The following ARHGAP8 variants were observed in gnomAD, a reference collection of about 807,000 sequenced individuals.
ARHGAP8 encodes rho GTPase-activating protein 8.
In ARHGAP8, 62 loss-of-function variants were observed where a neutral mutation model predicts 46.1. That is an observed-to-expected ratio of 1.34 (90% CI 1.10 to 1.66). The LOEUF (loss-of-function observed/expected upper bound fraction) is 1.66. ARHGAP8 is among the 40% of genes most tolerant of loss of function. The pLI, the probability that ARHGAP8 is intolerant of heterozygous loss-of-function variation, is 0.00. For missense variants in ARHGAP8, 923 were observed against 568.4 expected, an observed-to-expected ratio of 1.62 and a Z score of -6.34; for synonymous variants, 375 against 243.1, an observed-to-expected ratio of 1.54 and a Z score of -5.05.
At chr22:44,801,514 C>T (rs1288173998) in intron 2 of ARHGAP8, among the ~76,000 whole-genome samples, 3 of 150,732 alleles carry the variant, frequency 2.0e-5, no homozygotes, top group South Asian at 4.2e-4. Flanking sequence ...CCTCTCCCCG[C>T]AGCTGTCTAT....
At chr22:44,753,612 T>TG (rs3838171) in intron 1 of ARHGAP8, among the ~76,000 whole-genome samples, 4,058 of 33,096 alleles carry the variant, frequency 0.12, 195 homozygotes, top group African/African-American at 0.28. Context: ...CTCAATCCTG[T>TG]GGGGGGTGGG....
chr22:44,774,392 A>G (rs1288584202), intron 1 of ARHGAP8, among the ~76,000 whole-genome samples: 1 of 152,164 alleles, frequency 6.6e-6, no homozygotes, highest in Non-Finnish European at 1.5e-5. Context: ...AGGACATTGT[A>G]GTTTGAATAT....
At chr22:44,776,778 A>G (rs1602159711) in intron 1 of ARHGAP8, among the ~76,000 whole-genome samples, 2 of 152,154 alleles carry the variant, frequency 1.3e-5, no homozygotes, top group Non-Finnish European at 2.9e-5. Flanking sequence ...GGCGCTGCGC[A>G]CTGTAGGTGG....
chr22:44,765,124 A>C (rs1243371904), intron 1 of ARHGAP8: 1 of 152,314 alleles, frequency 6.6e-6, no homozygotes, highest in African/African-American at 2.4e-5. Flanking sequence ...CTGTGACCTG[A>C]GAGTGGCCCT....
chr22:44,811,236 A>G (rs888252397), intron 4 of ARHGAP8, among the ~76,000 whole-genome samples: 2 of 152,248 alleles, frequency 1.3e-5, no homozygotes, highest in Admixed American at 6.5e-5. Flanking sequence ...TGGTCGATGG[A>G]TGAAATCTAG....
Position 44,862,498 on chromosome 22 carries a change from C to G in ARHGAP8, c.1205C>G (p.Ala402Gly), listed in dbSNP as rs1317607933. The change falls in exon 12 of 12, where the codon GCC becomes GGC. Residue 402 changes from alanine to glycine, a missense_variant. By Grantham distance (60) the Ala-to-Gly change is moderately conservative. Coordinates refer to ENST00000356099, the MANE Select transcript of ARHGAP8 (RefSeq NM_181335.3). ...LAPWEQGSRAAPLQEAVPRTQ... is the reference protein window; with the variant it reads ...LAPWEQGSRAGPLQEAVPRTQ... Reference sequence around the variant, plus strand: ...CCATGGGAACAGGGGAGCAGGGCAGCCCCTTTGCAGGAGGCTGTGCCACGG... The same window carrying G: ...CCATGGGAACAGGGGAGCAGGGCAGGCCCTTTGCAGGAGGCTGTGCCACGG... 3.7e-6 allele frequency: 6 copies of G among 1,613,502 alleles called. No homozygotes were observed. Among genetic ancestry groups the G allele is most frequent in the Non-Finnish European group, 4.2e-6 (5 of 1,179,656 alleles).
chr22:44,826,819 C>T (rs1320771107), intron 7 of ARHGAP8, among the ~76,000 whole-genome samples: 2 of 152,174 alleles, frequency 1.3e-5, no homozygotes, highest in African/African-American at 4.8e-5. Context: ...CATCGGTCAC[C>T]TGCCCTTACT....
intron 2 of ARHGAP8, among the ~76,000 whole-genome samples, chr22:44,799,347 T>A (rs966108844): frequency 1.3e-5 from 2 of 152,224 alleles, no homozygotes; most frequent in African/African-American, 4.8e-5. Context: ...GCTGCTCCCA[T>A]ATGCAACGGC....
chr22:44,861,336 G>A lies in ARHGAP8; in HGVS notation c.982-939G>A, dbSNP rs563459442. 1.5e-3 allele frequency among the ~76,000 whole-genome samples: 231 copies of A among 152,314 alleles called. 1 individual carries two copies. Among genetic ancestry groups the A allele is most frequent in the African/African-American group, 5.4e-3 (224 of 41,580 alleles). ...AGCCGCCACCTCCATGGGCACCGAT[G>A]TGAATGCACCTGGTGGGGTGTGGTG... On this transcript the variant is annotated intron_variant, in intron 11 of 11. Transcript: ENST00000356099.
At chr22:44,812,101 T>C (rs372784751) in intron 4 of ARHGAP8, among the ~76,000 whole-genome samples, 1 of 152,254 alleles carries the variant, frequency 6.6e-6, no homozygotes, top group East Asian at 1.9e-4. Context: ...CTTTGGCTTC[T>C]CATCCTCCAG....
At chr22:44,826,663 C>T (rs1006760605) in intron 7 of ARHGAP8, among the ~76,000 whole-genome samples, 4 of 152,114 alleles carry the variant, frequency 2.6e-5, no homozygotes, top group African/African-American at 7.2e-5. Context: ...TGACCTCAAG[C>T]GATCCACCCC....
chr22:44,845,137 T>G, intron 7 of ARHGAP8, 132 bp from the exon 8 acceptor site: 1 of 1,062,558 alleles, frequency 9.4e-7, no homozygotes, highest in Non-Finnish European at 1.3e-6. Context: ...GGGCTGAGCC[T>G]ACCTCTCTCT....
intron 7 of ARHGAP8, among the ~76,000 whole-genome samples, chr22:44,829,524 A>T (rs1930791482): frequency 6.6e-6 from 1 of 152,142 alleles, no homozygotes; most frequent in Non-Finnish European, 1.5e-5. Flanking sequence ...TCCCTCTCCC[A>T]GGGCCAGTTG....
At position 44,775,225 on chromosome 22, in the gene ARHGAP8, T is replaced by G. The variant is rs150107179; in HGVS notation, c.-71-11232T>G. Among the ~76,000 whole-genome samples, 106 of 152,312 alleles carry G rather than the reference T, an allele frequency of 7.0e-4. 2 individuals carry two copies. The East Asian group carries it at 0.016, about 23-fold the overall frequency. ...AAAGGAGAATGAGCACTCTGAATTT[T>G]TCATACTCAGCACCAGCGTTTTATG... On this transcript the variant is annotated intron_variant, in intron 1 of 11. Transcript: ENST00000356099.
At chr22:44,760,679 C>G (rs1213947998) in intron 1 of ARHGAP8, among the ~76,000 whole-genome samples, 6 of 152,198 alleles carry the variant, frequency 3.9e-5, no homozygotes, top group Admixed American at 2.0e-4. Flanking sequence ...CTGTGAGGGT[C>G]TATTTGTGTA....
intron 2 of ARHGAP8, among the ~76,000 whole-genome samples, chr22:44,798,947 G>T (rs892906227): frequency 1.3e-5 from 2 of 152,220 alleles, no homozygotes; most frequent in Non-Finnish European, 2.9e-5. Flanking sequence ...AAATGTGAAT[G>T]CTTTCGTCCT....
chr22:44,861,884 G>A (rs528883284), intron 11 of ARHGAP8, among the ~76,000 whole-genome samples: 7 of 152,274 alleles, frequency 4.6e-5, no homozygotes, highest in East Asian at 1.9e-4. Context: ...TAGATGTGCT[G>A]GCTGGTCCCC....
At chr22:44,771,629 G>A (rs1020517244) in intron 1 of ARHGAP8, among the ~76,000 whole-genome samples, 5 of 150,322 alleles carry the variant, frequency 3.3e-5, no homozygotes, top group Admixed American at 1.3e-4. Flanking sequence ...ATCTCAGCTC[G>A]CTGCAACCTC....
At chr22:44,806,924 A>G (rs1283192194) in intron 3 of ARHGAP8, among the ~76,000 whole-genome samples, 6 of 147,868 alleles carry the variant, frequency 4.1e-5, no homozygotes, top group Non-Finnish European at 8.9e-5. Flanking sequence ...AGATCACACC[A>G]CTGCACTCCA....
Sources: gnomAD v4.1 joint callset for allele counts (sites outside exome capture counted in the v4.1 genomes callset) on GRCh38, gnomAD v4.1.1 for gene constraint, MANE v1.5 for transcripts, NCBI Gene and HGNC (gene_info 2026-07-23, HGNC 2026-07-21) for gene names.